Variants in BNC2 observed in about 807,000 individuals in gnomAD.
The protein encoded by BNC2 is basonuclin zinc finger protein 2, also known as zinc finger protein basonuclin-2.
Under a neutral mutation model 76.3 loss-of-function variants are expected in BNC2, and 20 were observed. That is an observed-to-expected ratio of 0.26 (90% CI 0.18 to 0.38). The LOEUF (loss-of-function observed/expected upper bound fraction) is 0.38, where lower values mean the gene tolerates loss of function less well. Ranked by LOEUF, BNC2 falls within the 10% of genes least tolerant of loss-of-function variation. BNC2 has a pLI of 1.00. For synonymous variants in BNC2, 582 were observed against 514.8 expected (o/e 1.13, Z -1.77); for missense variants, 1,382 against 1,399.8 (o/e 0.99, Z 0.20).
chr9:16,435,520 C>A lies in BNC2; in HGVS notation c.2639+35G>T, dbSNP rs543751506. 6.2e-6 allele frequency: 10 copies of A among 1,611,642 alleles called. No homozygotes were observed. The South Asian group carries it at 8.8e-5, about 14-fold the overall frequency. On this transcript the variant is annotated intron_variant, in intron 6 of 6. Coordinates refer to ENST00000380672, the MANE Select transcript of BNC2 (RefSeq NM_017637.6). The stretch of plus-strand genomic sequence containing the variant: ...CATGACTGAAAACTGGCACCCTCCA[C>A]CCCCAGCAGGAGCAGCCAATGGAGA...
intron 3 of BNC2, among the ~76,000 whole-genome samples, chr9:16,706,184 C>CTCTGTTCTTCTTTG (rs1282129196): frequency 5.3e-5 from 8 of 152,174 alleles, no homozygotes; most frequent in Admixed American, 5.2e-4. Flanking sequence ...TAGTTTTGCA[C>CTCTGTTCTTCTTTG]CCCAAAATAC....
chr9:16,641,064 C>G, intron 3 of BNC2, among the ~76,000 whole-genome samples: 1 of 152,120 alleles, frequency 6.6e-6, no homozygotes, highest in East Asian at 1.9e-4. Flanking sequence ...CAGAGAAATG[C>G]ATGAGAATTA....
chr9:16,550,448 T>C (rs1217474259), intron 5 of BNC2, among the ~76,000 whole-genome samples: 2 of 152,112 alleles, frequency 1.3e-5, no homozygotes, highest in Admixed American at 1.3e-4. Flanking sequence ...TGTTCACAAG[T>C]TGGGGAAAAA....
chr9:16,613,285 C>G (rs545022248), intron 3 of BNC2, among the ~76,000 whole-genome samples: 1 of 152,032 alleles, frequency 6.6e-6, no homozygotes, highest in Non-Finnish European at 1.5e-5. Flanking sequence ...GCAGATCACA[C>G]AAGGGAAGGA....
At chr9:16,698,069 T>G (rs531551828) in intron 3 of BNC2, among the ~76,000 whole-genome samples, 1 of 152,326 alleles carries the variant, frequency 6.6e-6, no homozygotes, top group Non-Finnish European at 1.5e-5. Context: ...AATAAAGTTT[T>G]ATTGAAATAG....
intron 5 of BNC2, among the ~76,000 whole-genome samples, chr9:16,462,924 G>C (rs575956729): frequency 4.7e-4 from 71 of 152,220 alleles, no homozygotes; most frequent in Middle Eastern, 3.4e-3. Flanking sequence ...TGATGTCCTA[G>C]TTTTATGCCC....
intron 3 of BNC2, among the ~76,000 whole-genome samples, chr9:16,688,013 T>C (rs1364302109): frequency 6.6e-6 from 1 of 151,916 alleles, no homozygotes; most frequent in Non-Finnish European, 1.5e-5. Flanking sequence ...AAACTTAGAG[T>C]GCTAGGATTT....
Position 16,759,297 on chromosome 9 carries a change from G to A in BNC2, c.4-20812C>T, listed in dbSNP as rs1268233930. ...AAGGGTCTTTTTCCACAGAAGTCAA[G>A]GACCACAAATTAATTTTGTTTTATT... On this transcript the variant is annotated intron_variant, in intron 1 of 6. Transcript: ENST00000380672. 3.9e-5 allele frequency among the ~76,000 whole-genome samples: 6 copies of A among 152,230 alleles called. No individual in the cohort carries two copies. The South Asian group carries it at 6.2e-4, about 16-fold the overall frequency.
At chr9:16,782,537 T>C (rs10962588) in intron 1 of BNC2, among the ~76,000 whole-genome samples, 14,056 of 152,156 alleles carry the variant, frequency 0.092, 827 homozygotes, top group Admixed American at 0.19. Context: ...CTTTTACCAA[T>C]GTTGTTCTTT....
At chr9:16,552,312 G>T (rs373214695) in intron 5 of BNC2, among the ~76,000 whole-genome samples, 1 of 152,166 alleles carries the variant, frequency 6.6e-6, no homozygotes, top group Non-Finnish European at 1.5e-5. Flanking sequence ...CAAAGGTAAC[G>T]CAAGTCAAGA....
intron 5 of BNC2, among the ~76,000 whole-genome samples, chr9:16,494,729 T>C (rs1822350426): frequency 6.6e-6 from 1 of 152,010 alleles, no homozygotes; most frequent in Middle Eastern, 3.2e-3. Context: ...GCACGTCCTG[T>C]AGGGTTTTGA....
intron 3 of BNC2, among the ~76,000 whole-genome samples, chr9:16,701,510 T>C (rs1215495232): frequency 2.0e-5 from 3 of 152,212 alleles, no homozygotes; most frequent in Non-Finnish European, 4.4e-5. Context: ...TAGTTAACAA[T>C]TTTCATTTTT....
intron 1 of BNC2, among the ~76,000 whole-genome samples, chr9:16,835,840 T>C (rs1818693931): frequency 6.6e-6 from 1 of 152,214 alleles, no homozygotes; most frequent in African/African-American, 2.4e-5. Context: ...AAAGAGGTTT[T>C]AGAAGAATTG....
At chr9:16,870,537 G>T in intron 1 of BNC2, 109 bp downstream of exon 1, 2 of 1,319,738 alleles carry the variant, frequency 1.5e-6, no homozygotes, top group African/African-American at 1.5e-5. Context: ...CTCACGCCGC[G>T]GGCCGGAGGG....
At position 16,436,406 on chromosome 9, in the gene BNC2, T is replaced by G; in HGVS notation, c.1788A>C (p.Pro596=). 1.9e-6 allele frequency: 3 copies of G among 1,614,050 alleles called. No individual in the cohort carries two copies. Among genetic ancestry groups the G allele is most frequent in the Non-Finnish European group, 2.5e-6 (3 of 1,180,010 alleles). ...PTSLPTSPII[P]TSGTIEQHPP... ...GGTGCTGCTCTATGGTACCACTGGT[T>G]GGAATGATGGGACTGGTTGGGAGGG... The change falls in exon 6 of 7, where the codon CCA becomes CCC. Residue 596 remains proline (P), a synonymous_variant. Transcript: ENST00000380672.
intron 3 of BNC2, among the ~76,000 whole-genome samples, chr9:16,638,473 T>C (rs113527416): frequency 1.3e-5 from 2 of 152,168 alleles, no homozygotes; most frequent in African/African-American, 4.8e-5. Context: ...GTTTAATAAT[T>C]AAGACATTTT....
At chr9:16,793,648 C>CTTTTTTTTTTTTT (rs71327860) in intron 1 of BNC2, among the ~76,000 whole-genome samples, 1 of 55,778 alleles carries the variant, frequency 1.8e-5, no homozygotes, top group Non-Finnish European at 3.7e-5. Flanking sequence ...CCTTCCACAT[C>CTTTTTTTTTTTTT]TTTTTTTTTT....
chr9:16,735,103 T>A (rs938014973), intron 2 of BNC2, among the ~76,000 whole-genome samples: 8 of 152,052 alleles, frequency 5.3e-5, no homozygotes, highest in African/African-American at 1.9e-4. Context: ...ATAAAAGGAT[T>A]TGAGTAGGGT....
At chr9:16,703,445 C>T (rs1039680306) in intron 3 of BNC2, among the ~76,000 whole-genome samples, 1 of 151,546 alleles carries the variant, frequency 6.6e-6, no homozygotes, top group African/African-American at 2.4e-5. Flanking sequence ...GTTACTAGAC[C>T]AAATAGAACA....
Sources: allele counts gnomAD v4.1 joint callset (sites outside exome capture counted in the v4.1 genomes callset), GRCh38; gene constraint gnomAD v4.1.1; transcripts MANE v1.5; gene names NCBI Gene and HGNC (gene_info 2026-07-23, HGNC 2026-07-21).